CPLANE1: variants seen among roughly 807,000 people sequenced by gnomAD.
CPLANE1 encodes the protein ciliogenesis and planar polarity effector complex subunit 1, also known as ciliogenesis and planar polarity effector 1.
In CPLANE1, 263 loss-of-function variants were observed where a neutral mutation model predicts 362.5. That is an observed-to-expected ratio of 0.73 (90% CI 0.66 to 0.80). The LOEUF is 0.80. CPLANE1 is among the 30% of genes least tolerant of loss of function. CPLANE1 has a pLI of 0.00. For synonymous variants in CPLANE1, 1,212 were observed against 1,302.6 expected (o/e 0.93, Z 1.50); for missense variants, 3,461 against 3,793.4 (o/e 0.91, Z 2.30).
Position 37,226,603 on chromosome 5 carries a change from G to A in CPLANE1, c.1992C>T (p.Thr664=). The A allele has an allele frequency of 6.4e-7, 1 of 1,551,370 alleles. No homozygotes were observed. Among genetic ancestry groups the A allele is most frequent in the Non-Finnish European group, 8.7e-7 (1 of 1,146,878 alleles). ...TCAGCAAAAGTTTTACAGTATTTGA[G>A]GTCAGCTTTATCAAATGCCCCACAT... ...KQDVGHLIKL[T]SNTVKLLLTQ... The change falls in exon 12 of 53, where the codon ACC becomes ACT. Residue 664 remains threonine, a synonymous_variant. Coordinates refer to ENST00000651892, the MANE Select transcript of CPLANE1 (RefSeq NM_001384732.1).
intron 8 of CPLANE1, among the ~76,000 whole-genome samples, 159 bp downstream of exon 8, chr5:37,238,698 T>G (rs1013297247): frequency 4.6e-5 from 7 of 150,744 alleles, no homozygotes; most frequent in African/African-American, 1.7e-4. Context: ...GAGGTCTCAT[T>G]ATGTTGCCCA....
chr5:37,136,821 T>C (rs1389309616), intron 46 of CPLANE1, among the ~76,000 whole-genome samples: 2 of 152,236 alleles, frequency 1.3e-5, no homozygotes, highest in African/African-American at 4.8e-5. Context: ...TGGCGCCTTC[T>C]AGCCACAGCT....
chr5:37,167,336 A>G, intron 34 of CPLANE1, 123 bp from the exon 35 acceptor site: 1 of 732,402 alleles, frequency 1.4e-6, no homozygotes, highest in Non-Finnish European at 2.2e-6. Context: ...AGAACAAATC[A>G]AATATAACAA....
the CPLANE1 span, among the ~76,000 whole-genome samples, chr5:37,087,315 G>A: frequency 6.6e-6 from 1 of 152,166 alleles, no homozygotes; most frequent in Admixed American, 6.5e-5. Flanking sequence ...CCTAAAAAGG[G>A]GAAGGAGGAG....
chr5:37,194,580 G>A lies in CPLANE1; in HGVS notation c.3811+1278C>T, dbSNP rs182303848. On this transcript the variant is annotated intron_variant, in intron 21 of 52. Transcript: ENST00000651892. Reference sequence around the variant, plus strand: ...AGCAATCAAGAAGCATTTCAATGCCGTTTCGGTTGGAAAAACAGACAATCT... The same window carrying A: ...AGCAATCAAGAAGCATTTCAATGCCATTTCGGTTGGAAAAACAGACAATCT... Among the ~76,000 whole-genome samples the A allele has an allele frequency of 2.9e-3, 446 of 151,824 alleles. 13 individuals carry two copies. Among genetic ancestry groups the A allele is most frequent in the Admixed American group, 0.026 (391 of 15,238 alleles).
intron 32 of CPLANE1, among the ~76,000 whole-genome samples, chr5:37,173,500 T>A (rs1780354227): frequency 1.3e-5 from 2 of 152,202 alleles, no homozygotes; most frequent in Non-Finnish European, 1.5e-5. Flanking sequence ...TAGCAGAGTC[T>A]CACTATGTTG....
the CPLANE1 span, among the ~76,000 whole-genome samples, chr5:37,090,371 CT>C: frequency 1.3e-5 from 2 of 152,206 alleles, no homozygotes. Context: ...TAGTCAGTTA[CT>C]TACTAAAGTC....
At chr5:37,199,562 C>T (rs1290231382) in intron 19 of CPLANE1, among the ~76,000 whole-genome samples, 1 of 152,178 alleles carries the variant, frequency 6.6e-6, no homozygotes, top group Non-Finnish European at 1.5e-5. Flanking sequence ...CATTTGTCTT[C>T]GTATGGCCAC....
chr5:37,170,005 G>A (rs773698791), intron 33 of CPLANE1, 36 bp downstream of exon 33: 39 of 1,588,300 alleles, frequency 2.5e-5, no homozygotes, highest in Non-Finnish European at 2.9e-5. Flanking sequence ...ATGAGCCACC[G>A]CGCCCAGCCA....
intron 16 of CPLANE1, among the ~76,000 whole-genome samples, chr5:37,208,658 T>C (rs1047047177): frequency 7.1e-5 from 10 of 140,594 alleles, no homozygotes; most frequent in Admixed American, 6.8e-4. Flanking sequence ...GCCTGGGCGA[T>C]AGAGCAAGAC....
chr5:37,160,013 T>C (rs1776415294), intron 38 of CPLANE1, among the ~76,000 whole-genome samples: 1 of 152,044 alleles, frequency 6.6e-6, no homozygotes, highest in East Asian at 1.9e-4. Flanking sequence ...AAAATTAAAA[T>C]ATATGAATAC....
Position 37,177,695 on chromosome 5 carries a change from GA to G in CPLANE1, c.5825del (p.Phe1942SerfsTer27). On this transcript the variant is annotated frameshift_variant, in exon 30 of 53. Transcript: ENST00000651892. LOFTEE classifies it high-confidence loss of function. ...MTLPQQLEEE[F>X]TEEVQCQREE... Reference sequence around the variant, plus strand: ...CCCTTTGACACTGAACCTCTTCTGTGAACTCCTGTTAAAATGAATAGTACCC... The same window carrying G: ...CCCTTTGACACTGAACCTCTTCTGTGACTCCTGTTAAAATGAATAGTACCC... 6.2e-7 allele frequency: 1 copy of G among 1,612,060 alleles called. No homozygotes were observed.
At chr5:37,224,362 ATAGT>A in intron 13 of CPLANE1, 29 bp from the exon 14 acceptor site, 1 of 1,431,434 alleles carries the variant, frequency 7.0e-7, no homozygotes, top group East Asian at 2.5e-5. Context: ...ACAATTAGTC[ATAGT>A]TAATTATATT....
At chr5:37,080,276 T>G in the CPLANE1 span, among the ~76,000 whole-genome samples, 1 of 152,172 alleles carries the variant, frequency 6.6e-6, no homozygotes, top group Non-Finnish European at 1.5e-5. Flanking sequence ...GCTGTCTGCT[T>G]AAGGACATTA....
chr5:37,131,046 T>TAA (rs1765620275), intron 46 of CPLANE1, among the ~76,000 whole-genome samples: 1 of 152,254 alleles, frequency 6.6e-6, no homozygotes, highest in South Asian at 2.1e-4. Context: ...TTCACGGCAG[T>TAA]AAAAATGTAA....
chr5:37,149,841 C>T (rs1411327778), intron 42 of CPLANE1, among the ~76,000 whole-genome samples: 1 of 152,062 alleles, frequency 6.6e-6, no homozygotes, highest in Non-Finnish European at 1.5e-5. Context: ...AAATTGTCTC[C>T]CAACCTTGTA....
In CPLANE1 at chr5:37,148,212, T is replaced by C. The variant is rs1485259668; in HGVS notation, c.8430A>G (p.Leu2810=). The C allele has an allele frequency of 2.5e-6, 4 of 1,613,046 alleles. No individual in the cohort carries two copies. Among genetic ancestry groups the C allele is most frequent in the Non-Finnish European group, 3.4e-6 (4 of 1,179,472 alleles). Residue 2810 remains leucine (L), a synonymous_variant, in exon 43 of 53, where the codon TTA becomes TTG. Coordinates refer to ENST00000651892, the MANE Select transcript of CPLANE1 (RefSeq NM_001384732.1). ...CAGAAATGCTAATGGTTTTTGAAGC[T>C]AATGTTTTTTTGAATTCAGGGCCAG... The part of the protein sequence containing the change: ...FSSGPEFKKT[L]ASKTISISEE...
chr5:37,087,525 C>T, the CPLANE1 span, among the ~76,000 whole-genome samples: 5 of 152,224 alleles, frequency 3.3e-5, no homozygotes, highest in African/African-American at 2.4e-5. Flanking sequence ...GGCGCGATCT[C>T]GGCTCACTGC....
the CPLANE1 span, among the ~76,000 whole-genome samples, chr5:37,092,847 C>T: frequency 6.6e-6 from 1 of 152,302 alleles, no homozygotes; most frequent in East Asian, 1.9e-4. Flanking sequence ...ACTACCCATC[C>T]ATGTTTTCCT....
Sources: allele counts gnomAD v4.1 joint callset (sites outside exome capture counted in the v4.1 genomes callset), GRCh38; gene constraint gnomAD v4.1.1; transcripts MANE v1.5; gene names NCBI Gene and HGNC (gene_info 2026-07-23, HGNC 2026-07-21).